ANTXR2: variants seen among roughly 807,000 people sequenced by gnomAD.
ANTXR2 encodes the protein anthrax toxin receptor 2.
In ANTXR2, 44 loss-of-function variants were observed where a neutral mutation model predicts 73.7. That is an observed-to-expected ratio of 0.60 (90% CI 0.47 to 0.77). ANTXR2 has a LOEUF of 0.77. Ranked by LOEUF, ANTXR2 falls within the 30% of genes least tolerant of loss-of-function variation. ANTXR2 has a pLI of 0.00. For missense variants in ANTXR2, 604 were observed against 592.5 expected (o/e 1.02, Z -0.20); for synonymous variants, 217 against 205.9 (o/e 1.05, Z -0.46).
intron 11 of ANTXR2, among the ~76,000 whole-genome samples, chr4:80,009,715 C>T (rs576097040): frequency 2.0e-5 from 3 of 151,660 alleles, no homozygotes; most frequent in African/African-American, 4.8e-5. Flanking sequence ...GGCGTGGTGG[C>T]GGGCACCTGT....
intron 7 of ANTXR2, among the ~76,000 whole-genome samples, chr4:80,044,118 A>G (rs1172011142): frequency 1.3e-5 from 2 of 151,964 alleles, no homozygotes; most frequent in African/African-American, 4.8e-5. Context: ...TATGGTTACA[A>G]TCAAGTTTTT....
intron 16 of ANTXR2, among the ~76,000 whole-genome samples, chr4:79,955,758 G>T (rs763241245): frequency 6.6e-6 from 1 of 152,044 alleles, no homozygotes; most frequent in Non-Finnish European, 1.5e-5. Context: ...AATTTGCGCC[G>T]GACTGAAGCT....
intron 15 of ANTXR2, 78 bp from the exon 16 acceptor site, chr4:79,977,779 G>A (rs1043299194): frequency 6.4e-6 from 9 of 1,397,190 alleles, no homozygotes; most frequent in African/African-American, 1.5e-5. Context: ...GACATAAAAC[G>A]AAGAAAGTAA....
chr4:79,926,124 T>C (rs1445652425), intron 16 of ANTXR2, among the ~76,000 whole-genome samples: 2 of 152,166 alleles, frequency 1.3e-5, no homozygotes, highest in Admixed American at 6.5e-5. Context: ...GCTGAATTAA[T>C]TGATTAGTTT....
At chr4:79,948,402 G>A (rs568877246) in intron 16 of ANTXR2, among the ~76,000 whole-genome samples, 102 of 152,180 alleles carry the variant, frequency 6.7e-4, no homozygotes, top group African/African-American at 2.4e-3. Flanking sequence ...AATACAACAC[G>A]TGTTACTCCA....
At chr4:80,034,584 G>T (rs1031911841) in intron 8 of ANTXR2, among the ~76,000 whole-genome samples, 1 of 152,100 alleles carries the variant, frequency 6.6e-6, no homozygotes, top group Non-Finnish European at 1.5e-5. Context: ...ATATAAGTTT[G>T]TTGGTTGTTT....
chr4:79,956,816 T>C (rs993440544), intron 16 of ANTXR2, among the ~76,000 whole-genome samples: 1 of 151,990 alleles, frequency 6.6e-6, no homozygotes, highest in African/African-American at 2.4e-5. Flanking sequence ...TTGGAAGTAT[T>C]GGAAACCCAA....
intron 10 of ANTXR2, among the ~76,000 whole-genome samples, chr4:80,027,830 G>T (rs1732510032): frequency 6.6e-6 from 1 of 152,038 alleles, no homozygotes; most frequent in South Asian, 2.1e-4. Context: ...ACAAAACAAG[G>T]GTCATAGAAT....
intron 16 of ANTXR2, among the ~76,000 whole-genome samples, chr4:79,910,812 C>T (rs1178939867): frequency 5.3e-5 from 8 of 151,784 alleles, no homozygotes; most frequent in African/African-American, 1.7e-4. Flanking sequence ...GAAGAAAATA[C>T]GGAGAAAATA....
chr4:80,013,254 T>C (rs1397318566), intron 11 of ANTXR2, among the ~76,000 whole-genome samples: 2 of 152,248 alleles, frequency 1.3e-5, no homozygotes, highest in South Asian at 2.1e-4. Context: ...TTAAACTAGA[T>C]ATATGGTTAC....
intron 16 of ANTXR2, among the ~76,000 whole-genome samples, chr4:79,927,686 T>G (rs1210943634): frequency 6.6e-6 from 1 of 152,218 alleles, no homozygotes; most frequent in Non-Finnish European, 1.5e-5. Context: ...TATGTGTATA[T>G]TAAAACATTA....
chr4:80,004,618 G>A (rs573575809), intron 12 of ANTXR2, among the ~76,000 whole-genome samples: 2 of 152,084 alleles, frequency 1.3e-5, no homozygotes, highest in South Asian at 4.1e-4. Context: ...TCCATCTATA[G>A]TCTAATCTCC....
At chr4:79,964,900 GC>G (rs1258338185) in intron 16 of ANTXR2, 1 of 152,252 alleles carries the variant, frequency 6.6e-6, no homozygotes, top group African/African-American at 2.4e-5. Flanking sequence ...CAAAGCCCGG[GC>G]CCGGCGTGCG....
chr4:79,930,796 T>C (rs1023080477), intron 16 of ANTXR2, among the ~76,000 whole-genome samples: 3 of 152,324 alleles, frequency 2.0e-5, no homozygotes, highest in South Asian at 4.1e-4. Context: ...TAAAAGTAGG[T>C]ATAAGATAAA....
In ANTXR2 at chr4:80,056,089, C is replaced by A. The variant is rs1020330027; in HGVS notation, c.297-76G>T. The A allele has an allele frequency of 3.9e-6, 4 of 1,020,002 alleles. No individual in the cohort carries two copies. In the African/African-American group the frequency reaches 5.1e-5, roughly 13 times the overall value. 63.2% of individuals were successfully genotyped at this position (1,020,002 alleles called of 1,614,324 possible). A position where few individuals can be genotyped will look rare whatever the true frequency, so the allele number is the denominator to read the frequency against. ...AATAAACACTTCTTAAAAAACATGG[C>A]AGTATTGTAACTAAGCTTTCTTCAG... On this transcript the variant is annotated intron_variant, in intron 3 of 16. Coordinates refer to ENST00000403729, the MANE Select transcript of ANTXR2 (RefSeq NM_058172.6).
At chr4:80,000,973 T>C (rs914746120) in intron 12 of ANTXR2, among the ~76,000 whole-genome samples, 1 of 152,074 alleles carries the variant, frequency 6.6e-6, no homozygotes. Flanking sequence ...ATGATTCTAA[T>C]AACATATATG....
chr4:80,007,517 C>T (rs1413641032), intron 12 of ANTXR2, among the ~76,000 whole-genome samples: 1 of 152,036 alleles, frequency 6.6e-6, no homozygotes, highest in African/African-American at 2.4e-5. Flanking sequence ...ATCTTAATGG[C>T]AAAAGGGATT....
chr4:79,986,468 T>C (rs2110023658), intron 12 of ANTXR2, among the ~76,000 whole-genome samples: 1 of 152,348 alleles, frequency 6.6e-6, no homozygotes, highest in East Asian at 1.9e-4. Context: ...TAAAGGTATG[T>C]ACAAATATTT....
chr4:80,036,159 T>G, intron 7 of ANTXR2, 127 bp from the exon 8 acceptor site: 1 of 767,844 alleles, frequency 1.3e-6, no homozygotes. Flanking sequence ...GAAAATCTAT[T>G]AACTATAGCG....
Sources: allele counts gnomAD v4.1 joint callset (sites outside exome capture counted in the v4.1 genomes callset), GRCh38; gene constraint gnomAD v4.1.1; transcripts MANE v1.5; gene names NCBI Gene and HGNC (gene_info 2026-07-23, HGNC 2026-07-21).